Variants in SLX4IP observed in about 807,000 individuals in gnomAD.
The protein encoded by SLX4IP is protein SLX4IP.
In SLX4IP, 34 loss-of-function variants were observed where a neutral mutation model predicts 32.9. The observed-to-expected ratio is 1.03, with a 90% CI of 0.79 to 1.38. The LOEUF is 1.38. SLX4IP is among the 40% of genes most tolerant of loss of function. The pLI, the probability that SLX4IP is intolerant of heterozygous loss-of-function variation, is 0.00. For missense variants in SLX4IP, 444 were observed against 479.0 expected (o/e 0.93, Z 0.68); for synonymous variants, 172 against 171.7 (o/e 1.00, Z -0.01).
At chr20:10,605,586 G>A (rs16991848) in intron 6 of SLX4IP, among the ~76,000 whole-genome samples, 8,831 of 152,260 alleles carry the variant, frequency 0.058, 516 homozygotes, top group South Asian at 0.24. Flanking sequence ...AGCTCTCAAA[G>A]TCTGTGATCC....
At chr20:10,498,284 G>A (rs1380942430) in intron 2 of SLX4IP, among the ~76,000 whole-genome samples, 1 of 151,902 alleles carries the variant, frequency 6.6e-6, no homozygotes, top group African/African-American at 2.4e-5. Flanking sequence ...TGTGTTTACA[G>A]CTTCCTATCA....
chr20:10,621,300 AT>A lies in SLX4IP; in HGVS notation c.406-13del, dbSNP rs774101278. On this transcript the variant is annotated splice_polypyrimidine_tract_variant and intron_variant, in intron 6 of 7. Coordinates refer to ENST00000334534, the MANE Select transcript of SLX4IP (RefSeq NM_001009608.3). ...ATAGATTTCTGGTTGAACCTTTGTT[AT>A]CTTTTGGAGTAGACAGAAAGAGTTC... The A allele has an allele frequency of 7.4e-6, 12 of 1,612,198 alleles. No homozygotes were observed. The highest frequency in any genetic ancestry group is 1.0e-5 in the Non-Finnish European group (12 of 1,178,390).
intron 2 of SLX4IP, among the ~76,000 whole-genome samples, chr20:10,525,236 G>A (rs2122455158): frequency 6.6e-6 from 1 of 152,248 alleles, no homozygotes; most frequent in Admixed American, 6.5e-5. Context: ...TTAAGAAAAA[G>A]TAGCAGACCC....
At chr20:10,606,937 C>T (rs1025833730) in intron 6 of SLX4IP, among the ~76,000 whole-genome samples, 2 of 152,070 alleles carry the variant, frequency 1.3e-5, no homozygotes, top group African/African-American at 4.8e-5. Context: ...TTTCCTTTCA[C>T]TTGTATGTCA....
chr20:10,458,879 G>C (rs373651949), intron 2 of SLX4IP, among the ~76,000 whole-genome samples: 19 of 152,250 alleles, frequency 1.2e-4, no homozygotes, highest in African/African-American at 4.3e-4. Context: ...TATATACCCG[G>C]TAATGGGATT....
At chr20:10,522,324 A>T (rs1276623251) in intron 2 of SLX4IP, among the ~76,000 whole-genome samples, 3 of 152,166 alleles carry the variant, frequency 2.0e-5, no homozygotes, top group African/African-American at 7.2e-5. Context: ...ACTCTCAGTG[A>T]CAGAAATCAG....
intron 4 of SLX4IP, among the ~76,000 whole-genome samples, chr20:10,585,282 A>G (rs2066633004): frequency 6.6e-6 from 1 of 152,140 alleles, no homozygotes; most frequent in Non-Finnish European, 1.5e-5. Context: ...GCTGTCACTA[A>G]TGCTCTCTGG....
At chr20:10,504,348 C>T (rs964329920) in intron 2 of SLX4IP, among the ~76,000 whole-genome samples, 1 of 152,194 alleles carries the variant, frequency 6.6e-6, no homozygotes, top group Non-Finnish European at 1.5e-5. Flanking sequence ...GAACCACCCT[C>T]CTGCAGATGT....
intron 2 of SLX4IP, among the ~76,000 whole-genome samples, chr20:10,543,412 G>A (rs1313571399): frequency 6.6e-6 from 1 of 152,194 alleles, no homozygotes; most frequent in African/African-American, 2.4e-5. Flanking sequence ...AGGCGAGAGG[G>A]AGGTCTAGGC....
chr20:10,536,950 G>C (rs2066052151), intron 2 of SLX4IP, among the ~76,000 whole-genome samples: 1 of 152,162 alleles, frequency 6.6e-6, no homozygotes, highest in African/African-American at 2.4e-5. Flanking sequence ...GTGAAACCCT[G>C]TCTGGCTGCT....
At chr20:10,439,898 T>C (rs988354555) in intron 1 of SLX4IP, among the ~76,000 whole-genome samples, 18 of 152,340 alleles carry the variant, frequency 1.2e-4, no homozygotes, top group African/African-American at 3.4e-4. Flanking sequence ...GTACCACTTA[T>C]ATTTTGAGTT....
chr20:10,540,553 GTCCC>G (rs1044328344), intron 2 of SLX4IP, among the ~76,000 whole-genome samples: 9 of 152,188 alleles, frequency 5.9e-5, no homozygotes, highest in African/African-American at 2.2e-4. Context: ...ATACAGACTT[GTCCC>G]TCCCACTCTT....
At chr20:10,517,863 A>G (rs1488482146) in intron 2 of SLX4IP, among the ~76,000 whole-genome samples, 1 of 152,202 alleles carries the variant, frequency 6.6e-6, no homozygotes, top group Non-Finnish European at 1.5e-5. Context: ...TTGTCAAATA[A>G]GGGATTTGCT....
intron 6 of SLX4IP, among the ~76,000 whole-genome samples, chr20:10,607,677 T>C (rs1199151233): frequency 1.3e-5 from 2 of 152,124 alleles, no homozygotes; most frequent in Non-Finnish European, 2.9e-5. Flanking sequence ...TTATAGGGAC[T>C]GGCAGAGAGA....
intron 2 of SLX4IP, among the ~76,000 whole-genome samples, chr20:10,545,822 A>G (rs544820931): frequency 6.6e-6 from 1 of 152,268 alleles, no homozygotes; most frequent in South Asian, 2.1e-4. Flanking sequence ...TCTCCCTCCA[A>G]AACTGGCCAC....
intron 4 of SLX4IP, among the ~76,000 whole-genome samples, chr20:10,574,068 G>A (rs2066495878): frequency 6.6e-6 from 1 of 152,124 alleles, no homozygotes; most frequent in Admixed American, 6.5e-5. Context: ...CTCAAAAACT[G>A]GGGAAACTTC....
intron 5 of SLX4IP, among the ~76,000 whole-genome samples, chr20:10,600,556 G>T (rs540738858): frequency 6.6e-6 from 1 of 152,274 alleles, no homozygotes; most frequent in South Asian, 2.1e-4. Flanking sequence ...GGCCTCTTGG[G>T]ATCATTTAAG....
intron 4 of SLX4IP, among the ~76,000 whole-genome samples, chr20:10,580,646 CCCTAGGACCTCA>C (rs2066574332): frequency 6.6e-6 from 1 of 151,778 alleles, no homozygotes; most frequent in Non-Finnish European, 1.5e-5. Flanking sequence ...TTCTTGATAC[CCCTAGGACCTCA>C]CATAGTACTT....
chr20:10,518,437 TTC>T (rs1568720000), intron 2 of SLX4IP, among the ~76,000 whole-genome samples: 1 of 58,136 alleles, frequency 1.7e-5, no homozygotes, highest in African/African-American at 5.9e-5. Flanking sequence ...CCCTCCCTCC[TTC>T]TTCCTTCCTT....
Sources: allele counts gnomAD v4.1 joint callset (sites outside exome capture counted in the v4.1 genomes callset), GRCh38; gene constraint gnomAD v4.1.1; transcripts MANE v1.5; gene names NCBI Gene and HGNC (gene_info 2026-07-23, HGNC 2026-07-21).